RAI14: variants seen among roughly 807,000 people sequenced by gnomAD.
RAI14 encodes the protein ankycorbin.
RAI14 carries 45 observed loss-of-function variants against 115.4 expected under a neutral mutation model. The observed-to-expected ratio is 0.39, with a 90% CI of 0.31 to 0.50. The LOEUF (loss-of-function observed/expected upper bound fraction) is 0.50, where lower values mean the gene tolerates loss of function less well. Among genes scored for constraint, RAI14 ranks in the 20% least tolerant of loss-of-function variants. The pLI is 0.85. For synonymous variants in RAI14, 371 were observed against 415.4 expected (o/e 0.89, Z 1.30); for missense variants, 939 against 1,131.2 (o/e 0.83, Z 2.44).
intron 1 of RAI14, among the ~76,000 whole-genome samples, chr5:34,674,718 G>A (rs984654199): frequency 6.6e-6 from 1 of 151,622 alleles, no homozygotes; most frequent in South Asian, 2.1e-4. Context: ...CCGAGTAGTA[G>A]CTAGGATTAC....
rs140504812 is a variant in RAI14 at position 34,725,838 on chromosome 5, C to T, written c.37-31630C>T. Among the ~76,000 whole-genome samples, 12 of 150,976 alleles carry T rather than the reference C, an allele frequency of 7.9e-5. No individual in the cohort carries two copies. The South Asian group carries it at 1.7e-3, about 21-fold the overall frequency. ...ATTTAGCCAGCAGTGGTGGCGTATG[C>T]GTGTAATCAGCTACTTGGGAGGCTG... On this transcript the variant is annotated intron_variant, in intron 2 of 17. Transcript: ENST00000265109.
chr5:34,735,129 T>A (rs557642128), intron 2 of RAI14, among the ~76,000 whole-genome samples: 1 of 152,354 alleles, frequency 6.6e-6, no homozygotes, highest in South Asian at 2.1e-4. Context: ...GTTCAGCATA[T>A]GTTACTTGGT....
intron 7 of RAI14, among the ~76,000 whole-genome samples, chr5:34,809,608 C>CTTT (rs61391015): frequency 1.4e-5 from 2 of 143,790 alleles, no homozygotes. Context: ...GAGAGCTGCA[C>CTTT]TTTTTTTTTT....
At chr5:34,738,873 A>G (rs1274669571) in intron 2 of RAI14, among the ~76,000 whole-genome samples, 1 of 152,186 alleles carries the variant, frequency 6.6e-6, no homozygotes, top group Non-Finnish European at 1.5e-5. Context: ...ACATCGATAC[A>G]TTGCTCAAGA....
chr5:34,792,232 T>C (rs1002037349), intron 3 of RAI14, among the ~76,000 whole-genome samples: 2 of 98,132 alleles, frequency 2.0e-5, no homozygotes, highest in Admixed American at 9.4e-5. Context: ...TCTTTTCTTT[T>C]TTCTTTTTTT....
intron 3 of RAI14, among the ~76,000 whole-genome samples, chr5:34,765,388 G>A (rs529946817): frequency 5.3e-5 from 8 of 152,180 alleles, no homozygotes; most frequent in Admixed American, 1.3e-4. Flanking sequence ...TGCTGATAGC[G>A]ATATGGACAA....
intron 3 of RAI14, among the ~76,000 whole-genome samples, chr5:34,762,937 GT>G (rs1748858273): frequency 1.5e-5 from 1 of 66,396 alleles, no homozygotes; most frequent in Non-Finnish European, 3.0e-5. Flanking sequence ...GCATGTGTGT[GT>G]GTGTGTGTGT....
At chr5:34,692,502 C>A (rs371337744) in intron 2 of RAI14, among the ~76,000 whole-genome samples, 1 of 151,190 alleles carries the variant, frequency 6.6e-6, no homozygotes, top group South Asian at 2.1e-4. Context: ...CCACTGCACT[C>A]CAGCCTGGGC....
intron 7 of RAI14, among the ~76,000 whole-genome samples, chr5:34,809,067 A>G (rs1284942297): frequency 2.6e-5 from 4 of 152,194 alleles, no homozygotes; most frequent in African/African-American, 9.7e-5. Context: ...ACAACTAAGT[A>G]TTGGGCAAAT....
intron 3 of RAI14, among the ~76,000 whole-genome samples, chr5:34,767,104 A>C (rs150537186): frequency 2.0e-5 from 3 of 152,172 alleles, no homozygotes; most frequent in Non-Finnish European, 4.4e-5. Flanking sequence ...AGTTTTGGGT[A>C]TGTCTTTATC....
At chr5:34,662,651 A>C (rs1742779629) in intron 1 of RAI14, among the ~76,000 whole-genome samples, 2 of 151,746 alleles carry the variant, frequency 1.3e-5, no homozygotes, top group South Asian at 4.2e-4. Flanking sequence ...AGATAGGGTT[A>C]AACTTTAAGC....
At chr5:34,671,500 TCTG>T (rs998505573) in intron 1 of RAI14, among the ~76,000 whole-genome samples, 1 of 152,192 alleles carries the variant, frequency 6.6e-6, no homozygotes, top group Non-Finnish European at 1.5e-5. Context: ...TAATTTTACA[TCTG>T]CTTTGTTAGT....
chr5:34,680,761 C>T (rs1744326260), intron 1 of RAI14, among the ~76,000 whole-genome samples: 1 of 152,174 alleles, frequency 6.6e-6, no homozygotes, highest in Non-Finnish European at 1.5e-5. Context: ...AGGAAGACTT[C>T]TCTGATCTTT....
intron 2 of RAI14, among the ~76,000 whole-genome samples, chr5:34,743,029 G>A (rs1023665573): frequency 2.0e-5 from 3 of 152,164 alleles, no homozygotes; most frequent in South Asian, 2.1e-4. Context: ...ACAAATCAAC[G>A]TAGCGTGTGG....
At chr5:34,826,163 A>G (rs563826081) in intron 15 of RAI14, 167 bp from the exon 16 acceptor site, 1 of 527,520 alleles carries the variant, frequency 1.9e-6, no homozygotes, top group Non-Finnish European at 3.0e-6. Context: ...TTTGTCATCC[A>G]TTTCATTTTA....
At chr5:34,677,146 A>AGGG (rs879688199) in intron 1 of RAI14, among the ~76,000 whole-genome samples, 1 of 151,086 alleles carries the variant, frequency 6.6e-6, no homozygotes, top group Non-Finnish European at 1.5e-5. Flanking sequence ...TCTGGATGAA[A>AGGG]TCTATGACAT....
chr5:34,676,888 AT>A (rs1234340090), intron 1 of RAI14, among the ~76,000 whole-genome samples: 6 of 152,202 alleles, frequency 3.9e-5, no homozygotes, highest in African/African-American at 1.4e-4. Context: ...ATTTTAAAGT[AT>A]TTTAGAAAGG....
chr5:34,785,839 T>A (rs1164979945), intron 3 of RAI14, among the ~76,000 whole-genome samples: 1 of 152,240 alleles, frequency 6.6e-6, no homozygotes, highest in Non-Finnish European at 1.5e-5. Context: ...TGGCTCTGCT[T>A]TCCAGGGAAC....
At chr5:34,762,167 C>T (rs1446458121) in intron 3 of RAI14, among the ~76,000 whole-genome samples, 1 of 152,072 alleles carries the variant, frequency 6.6e-6, no homozygotes, top group Non-Finnish European at 1.5e-5. Flanking sequence ...TCTTTTTTTG[C>T]TGATAATATC....
Sources: allele counts gnomAD v4.1 joint callset (sites outside exome capture counted in the v4.1 genomes callset), GRCh38; gene constraint gnomAD v4.1.1; transcripts MANE v1.5; gene names NCBI Gene and HGNC (gene_info 2026-07-23, HGNC 2026-07-21).